SPOPL: variants seen among roughly 807,000 people sequenced by gnomAD.
SPOPL encodes the protein speckle-type POZ protein-like.
A neutral mutation model predicts 53.8 loss-of-function variants in SPOPL; 23 were observed. That is an observed-to-expected ratio of 0.43 (90% confidence interval 0.31 to 0.61). The LOEUF is 0.61. Ranked by LOEUF, SPOPL falls within the 20% of genes least tolerant of loss-of-function variation. The pLI, the probability that SPOPL is intolerant of heterozygous loss-of-function variation, is 0.12. For synonymous variants in SPOPL, 164 were observed against 149.7 expected (o/e 1.10, Z -0.70); for missense variants, 442 against 466.9 (o/e 0.95, Z 0.49).
intron 1 of SPOPL, among the ~76,000 whole-genome samples, chr2:138,537,487 A>G (rs1189045463): frequency 6.6e-6 from 1 of 152,152 alleles, no homozygotes; most frequent in Non-Finnish European, 1.5e-5. Flanking sequence ...ATTTTTAACT[A>G]CCAGGCCCAG....
intron 1 of SPOPL, among the ~76,000 whole-genome samples, chr2:138,545,691 G>A (rs1233257420): frequency 1.3e-5 from 2 of 151,832 alleles, no homozygotes; most frequent in African/African-American, 4.8e-5. Flanking sequence ...CGCCCACCTC[G>A]GCCTCCCAAA....
At chr2:138,525,835 C>CAAAA (rs758644476) in intron 1 of SPOPL, among the ~76,000 whole-genome samples, 1 of 105,550 alleles carries the variant, frequency 9.5e-6, no homozygotes, top group African/African-American at 3.5e-5. Flanking sequence ...GAACCTGTCT[C>CAAAA]AAAAAAAAAA....
At chr2:138,554,403 G>A in intron 5 of SPOPL, 1 of 1,174,134 alleles carries the variant, frequency 8.5e-7, no homozygotes, top group East Asian at 6.6e-5. Context: ...TCCACTGTTT[G>A]TTCCACCCCG....
intron 1 of SPOPL, among the ~76,000 whole-genome samples, chr2:138,541,831 T>G (rs900769418): frequency 2.0e-5 from 3 of 152,088 alleles, no homozygotes; most frequent in Non-Finnish European, 2.9e-5. Context: ...GTGATATTAG[T>G]GTGTCAATTT....
chr2:138,538,710 G>A (rs1362292928), intron 1 of SPOPL, among the ~76,000 whole-genome samples: 1 of 150,826 alleles, frequency 6.6e-6, no homozygotes, highest in Non-Finnish European at 1.5e-5. Flanking sequence ...GCTCAGCAAT[G>A]TCAGCCAGCT....
At chr2:138,516,637 A>G (rs1684443139) in intron 1 of SPOPL, among the ~76,000 whole-genome samples, 1 of 152,178 alleles carries the variant, frequency 6.6e-6, no homozygotes, top group South Asian at 2.1e-4. Flanking sequence ...GAAGTCCTTA[A>G]TAAGGGAACC....
intron 10 of SPOPL, 108 bp from the exon 11 acceptor site, chr2:138,568,826 TAA>T (rs1685719577): frequency 8.9e-7 from 1 of 1,121,760 alleles, no homozygotes; most frequent in Non-Finnish European, 1.3e-6. Context: ...AATACATAGG[TAA>T]AAAGTGTTCA....
At chr2:138,554,155 T>C (rs899127154) in intron 5 of SPOPL, among the ~76,000 whole-genome samples, 2 of 149,818 alleles carry the variant, frequency 1.3e-5, no homozygotes, top group Admixed American at 6.7e-5. Flanking sequence ...AACCAAGAAA[T>C]TCAGAAATAA....
At chr2:138,557,799 T>G (rs552608809) in intron 5 of SPOPL, among the ~76,000 whole-genome samples, 1 of 152,348 alleles carries the variant, frequency 6.6e-6, no homozygotes, top group East Asian at 1.9e-4. Flanking sequence ...TCTTTAAGTG[T>G]ATTTTTTTAC....
At chr2:138,556,146 TATTA>T (rs1430957426) in intron 5 of SPOPL, among the ~76,000 whole-genome samples, 21 of 152,326 alleles carry the variant, frequency 1.4e-4, no homozygotes, top group South Asian at 4.1e-4. Flanking sequence ...GAGTATGAAG[TATTA>T]ATTATGTGTC....
rs186305047 is a variant in SPOPL at position 138,566,004 on chromosome 2, G to T, written c.1034+1011G>T. On this transcript the variant is annotated intron_variant, in intron 10 of 10. Transcript: ENST00000280098. ...CTGTCTTGGCCTCCCAAAGTGCTGG[G>T]ATTACAGAAGTGAGCCACCGTGCCC... Among the ~76,000 whole-genome samples the T allele has an allele frequency of 5.5e-3, 835 of 152,270 alleles. 8 individuals are homozygous for T. The highest frequency in any genetic ancestry group is 0.019 in the African/African-American group (804 of 41,540).
Position 138,569,064 on chromosome 2 carries a change from G to A in SPOPL, c.1163G>A (p.Arg388Gln), listed in dbSNP as rs758115604. Residue 388 changes from arginine to glutamine, a missense_variant, in exon 11 of 11, where the codon CGG (arginine) becomes CAG (glutamine). Coordinates refer to ENST00000280098, the MANE Select transcript of SPOPL (RefSeq NM_001001664.3). The part of the protein sequence containing the change: ...QCPQFGIPRK[R>Q]LKQS ...CCACAGTTTGGCATTCCACGCAAACGGCTAAAACAGTCCTGAAATCTTCCA... is the reference window on the plus strand; with the variant it reads ...CCACAGTTTGGCATTCCACGCAAACAGCTAAAACAGTCCTGAAATCTTCCA... 11 of 1,613,106 alleles carry A rather than the reference G, an allele frequency of 6.8e-6. No individual in the cohort carries two copies. The highest frequency in any genetic ancestry group is 1.8e-4 in the Middle Eastern group (1 of 5,656).
chr2:138,572,476 A>G lies in SPOPL; in HGVS notation c.*3396A>G, dbSNP rs536210262. 4 of 152,470 alleles carry G rather than the reference A, an allele frequency of 2.6e-5. No homozygotes were observed. The highest frequency in any genetic ancestry group is 4.1e-4 in the South Asian group (2 of 4,828). The allele number at this position is 152,470 out of a possible 1,614,324, so 9.4% of individuals were successfully genotyped here. On this transcript the variant is annotated 3_prime_UTR_variant, in exon 11 of 11. Transcript: ENST00000280098. ...GTCATAGATATGACCCAGTGTTACTAAAATAGAACAGGGATTGTGAAAATC... is the reference window on the plus strand; with the variant it reads ...GTCATAGATATGACCCAGTGTTACTGAAATAGAACAGGGATTGTGAAAATC...
At chr2:138,529,064 A>G (rs1350128872) in intron 1 of SPOPL, among the ~76,000 whole-genome samples, 1 of 152,336 alleles carries the variant, frequency 6.6e-6, no homozygotes, top group Middle Eastern at 3.4e-3. Flanking sequence ...TAGTACAGAT[A>G]AGTTTCTGCA....
At chr2:138,559,221 A>C in intron 6 of SPOPL, 22 bp downstream of exon 6, 1 of 1,611,292 alleles carries the variant, frequency 6.2e-7, no homozygotes, top group Admixed American at 1.7e-5. Context: ...TTATGGGGTA[A>C]TATAGTACAT....
rs372356389 is a variant in SPOPL, at chr2:138,559,885, A to C, written c.714+548A>C. Among the ~76,000 whole-genome samples the C allele has an allele frequency of 1.4e-4, 21 of 152,260 alleles. No homozygotes were observed. The East Asian group carries it at 2.5e-3, about 18-fold the overall frequency. On this transcript the variant is annotated intron_variant, in intron 7 of 10. Coordinates refer to ENST00000280098, the MANE Select transcript of SPOPL (RefSeq NM_001001664.3). ...TTGTGAACCGTAGGGCTCCAGCTGG[A>C]CAACTCCAGAGTTTTTTCATGTGGC...
At chr2:138,519,104 C>T (rs1471682729) in intron 1 of SPOPL, among the ~76,000 whole-genome samples, 1 of 152,172 alleles carries the variant, frequency 6.6e-6, no homozygotes, top group African/African-American at 2.4e-5. Flanking sequence ...GGATTGAACC[C>T]AAGTCTGATA....
At chr2:138,544,948 G>A (rs560996223) in intron 1 of SPOPL, among the ~76,000 whole-genome samples, 4 of 152,236 alleles carry the variant, frequency 2.6e-5, no homozygotes, top group African/African-American at 9.6e-5. Context: ...CCTGGAATAT[G>A]TGGGAGCTTT....
At position 138,564,706 on chromosome 2, in the gene SPOPL, A is replaced by G. The variant is rs745701741; in HGVS notation, c.838-2A>G. 4 of 1,613,830 alleles carry G rather than the reference A, an allele frequency of 2.5e-6. No individual in the cohort carries two copies. The highest frequency in any genetic ancestry group is 2.5e-6 in the Non-Finnish European group (3 of 1,179,898). On this transcript the variant is annotated splice_acceptor_variant, in intron 8 of 10. Coordinates refer to ENST00000280098, the MANE Select transcript of SPOPL (RefSeq NM_001001664.3). LOFTEE classifies it high-confidence loss of function. The stretch of plus-strand genomic sequence containing the variant: ...TAATGGTTATGTTTTCATTTTGGAT[A>G]GTATGCACTGGAACGGCTGAAGGTC...
Sources: allele counts gnomAD v4.1 joint callset (sites outside exome capture counted in the v4.1 genomes callset), GRCh38; gene constraint gnomAD v4.1.1; transcripts MANE v1.5; gene names NCBI Gene and HGNC (gene_info 2026-07-23, HGNC 2026-07-21).